Variants in COBLL1 observed in about 807,000 individuals in gnomAD.
The protein encoded by COBLL1 is cordon-bleu WH2 repeat protein like 1, also known as cordon-bleu protein-like 1.
A neutral mutation model predicts 94.8 loss-of-function variants in COBLL1; 50 were observed. The ratio of observed to expected loss-of-function variants is 0.53; its 90% CI spans 0.42 to 0.67. The LOEUF is 0.67. Ranked by LOEUF, COBLL1 falls within the 30% of genes least tolerant of loss-of-function variation. COBLL1 has a pLI of 0.00. For missense variants in COBLL1, 1,362 were observed against 1,348.7 expected (o/e 1.01, Z -0.15); for synonymous variants, 448 against 473.8 (o/e 0.95, Z 0.71).
At chr2:164,763,537 G>A (rs903820462) in intron 2 of COBLL1, among the ~76,000 whole-genome samples, 1 of 152,130 alleles carries the variant, frequency 6.6e-6, no homozygotes, top group African/African-American at 2.4e-5. Flanking sequence ...GTTAGTTCTT[G>A]CAGCATTTTT....
intron 3 of COBLL1, among the ~76,000 whole-genome samples, chr2:164,735,087 C>G (rs1003680784): frequency 2.6e-5 from 4 of 152,190 alleles, no homozygotes; most frequent in African/African-American, 9.7e-5. Flanking sequence ...AAGAAGTTAA[C>G]TGGGTTCTGT....
chr2:164,837,058 C>A (rs998071675), intron 2 of COBLL1, among the ~76,000 whole-genome samples: 2 of 152,200 alleles, frequency 1.3e-5, no homozygotes, highest in African/African-American at 2.4e-5. Context: ...CTTAAGAAAG[C>A]AGCTGTTAAA....
chr2:164,660,713 C>G (rs762107966), intron 2 of COBLL1, among the ~76,000 whole-genome samples: 3 of 152,162 alleles, frequency 2.0e-5, no homozygotes, highest in Non-Finnish European at 2.9e-5. Context: ...CAAAAAGCAG[C>G]AGACATCTAA....
At chr2:164,729,268 A>C (rs1399161705) in intron 4 of COBLL1, among the ~76,000 whole-genome samples, 2 of 151,796 alleles carry the variant, frequency 1.3e-5, no homozygotes, top group Non-Finnish European at 2.9e-5. Flanking sequence ...ACAAACTTTT[A>C]TATATATTAT....
intron 2 of COBLL1, among the ~76,000 whole-genome samples, chr2:164,764,768 G>T (rs1687853979): frequency 6.6e-6 from 1 of 152,076 alleles, no homozygotes; most frequent in African/African-American, 2.4e-5. Context: ...CTAAAAGAAT[G>T]ACTACATTGT....
intron 2 of COBLL1, among the ~76,000 whole-genome samples, chr2:164,662,208 T>A (rs1442183933): frequency 3.9e-5 from 6 of 152,180 alleles, no homozygotes; most frequent in Non-Finnish European, 8.8e-5. Flanking sequence ...GGCTTCAGGC[T>A]CTCCAGCAGC....
intron 1 of COBLL1, among the ~76,000 whole-genome samples, chr2:164,673,630 G>A (rs1170614364): frequency 2.0e-5 from 3 of 151,942 alleles, no homozygotes; most frequent in Non-Finnish European, 2.9e-5. Context: ...GCTGAGATCG[G>A]GCCACTGCAC....
intron 2 of COBLL1, among the ~76,000 whole-genome samples, chr2:164,786,719 T>A (rs889227670): frequency 6.6e-6 from 1 of 152,196 alleles, no homozygotes; most frequent in Non-Finnish European, 1.5e-5. Context: ...ATGGCTTCAG[T>A]GTCACCTTCC....
Position 164,794,363 on chromosome 2 carries a change from C to CT in COBLL1, c.41+46792dup, listed in dbSNP as rs554018313. On this transcript the variant is annotated intron_variant, in intron 2 of 13. Transcript: ENST00000652658. ...TCTGTGTTAAGCATAAAAAGAATGTCTTTGAGTTTGGGAGGTATGTTACAC... is the reference window on the plus strand; with the variant it reads ...TCTGTGTTAAGCATAAAAAGAATGTCTTTTGAGTTTGGGAGGTATGTTACAC... Among the ~76,000 whole-genome samples the CT allele has an allele frequency of 7.2e-5, 11 of 152,132 alleles. No individual in the cohort carries two copies. In the East Asian group the frequency reaches 2.1e-3, roughly 29 times the overall value.
chr2:164,738,499 A>G (rs1327526627), intron 3 of COBLL1, among the ~76,000 whole-genome samples: 1 of 152,198 alleles, frequency 6.6e-6, no homozygotes, highest in Non-Finnish European at 1.5e-5. Flanking sequence ...GTACTAGCAG[A>G]CACCACTGCT....
intron 2 of COBLL1, among the ~76,000 whole-genome samples, chr2:164,799,120 T>C (rs552084528): frequency 1.3e-5 from 2 of 151,948 alleles, no homozygotes; most frequent in East Asian, 1.9e-4. Context: ...AAGCAACAAT[T>C]TGAAGAATCT....
At chr2:164,667,860 T>C (rs1363035744) in intron 1 of COBLL1, among the ~76,000 whole-genome samples, 3 of 152,212 alleles carry the variant, frequency 2.0e-5, no homozygotes, top group African/African-American at 7.2e-5. Context: ...ATGTGTTCAC[T>C]GGAGTAGCAC....
At chr2:164,738,653 G>C (rs1210855554) in intron 3 of COBLL1, among the ~76,000 whole-genome samples, 1 of 152,160 alleles carries the variant, frequency 6.6e-6, no homozygotes, top group Non-Finnish European at 1.5e-5. Context: ...ATGATACACA[G>C]ACACACAGAA....
chr2:164,791,461 C>T (rs1683185374), intron 2 of COBLL1, among the ~76,000 whole-genome samples: 1 of 151,570 alleles, frequency 6.6e-6, no homozygotes. Context: ...AGGTCTTATC[C>T]CATTGCTATC....
intron 7 of COBLL1, among the ~76,000 whole-genome samples, chr2:164,721,334 T>C (rs959425953): frequency 1.3e-5 from 2 of 152,196 alleles, no homozygotes; most frequent in Non-Finnish European, 2.9e-5. Context: ...TCTTCAATCA[T>C]ATATACCTAA....
chr2:164,666,441 G>A (rs1377152752), intron 1 of COBLL1, among the ~76,000 whole-genome samples: 1 of 152,198 alleles, frequency 6.6e-6, no homozygotes, highest in Admixed American at 6.5e-5. Context: ...TTGCCTCAAT[G>A]TTGATGGCTG....
rs554941353 is a variant in COBLL1, at chr2:164,833,177, G to A, written c.41+7979C>T. ...GAGGCCAGGAGTTTGAGACCAGCTG[G>A]ACAACATCTCTCCAAAAAGTACAAA... On this transcript the variant is annotated intron_variant, in intron 2 of 13. Coordinates refer to ENST00000652658, the MANE Select transcript of COBLL1 (RefSeq NM_001365672.2). Among the ~76,000 whole-genome samples, 4 of 151,846 alleles carry A rather than the reference G, an allele frequency of 2.6e-5. No homozygotes were observed. In the East Asian group the frequency reaches 7.8e-4, roughly 30 times the overall value.
intron 4 of COBLL1, among the ~76,000 whole-genome samples, chr2:164,729,383 A>C (rs1685872031): frequency 6.6e-6 from 1 of 151,888 alleles, no homozygotes; most frequent in East Asian, 1.9e-4. Flanking sequence ...AACTGATATT[A>C]GAATTATTGT....
intron 7 of COBLL1, among the ~76,000 whole-genome samples, chr2:164,720,465 G>T (rs376713868): frequency 1.5e-4 from 23 of 152,056 alleles, no homozygotes; most frequent in African/African-American, 5.3e-4. Context: ...AAATAGATTG[G>T]ATGAGGACAG....
Sources: allele counts gnomAD v4.1 joint callset (sites outside exome capture counted in the v4.1 genomes callset), GRCh38; gene constraint gnomAD v4.1.1; transcripts MANE v1.5; gene names NCBI Gene and HGNC (gene_info 2026-07-23, HGNC 2026-07-21).